OR4C6: variants seen among roughly 807,000 people sequenced by gnomAD.
OR4C6 encodes the protein olfactory receptor family 4 subfamily C member 6.
Under a neutral mutation model 13.9 loss-of-function variants are expected in OR4C6, and 20 were observed. The ratio of observed to expected loss-of-function variants is 1.43; its 90% confidence interval spans 1.01 to 2.08. The LOEUF (loss-of-function observed/expected upper bound fraction) is 2.08, where lower values mean the gene tolerates loss of function less well. Ranked by LOEUF, OR4C6 falls within the 30% of genes most tolerant of loss-of-function variation. OR4C6 has a pLI of 0.00. For missense variants in OR4C6, 555 were observed against 381.2 expected, an observed-to-expected ratio of 1.46 and a Z score of -3.80; for synonymous variants, 193 against 141.5, an observed-to-expected ratio of 1.36 and a Z score of -2.58.
chr11:55,665,118 T>C lies in OR4C6; in HGVS notation c.-42-7T>C, dbSNP rs1408987070. 8.8e-7 allele frequency: 1 copy of C among 1,135,672 alleles called. No homozygotes were observed. The highest frequency in any genetic ancestry group is 1.3e-6 in the Non-Finnish European group (1 of 780,396). 70.3% of individuals were successfully genotyped at this position (1,135,672 alleles called of 1,614,324 possible). On this transcript the variant is annotated splice_polypyrimidine_tract_variant and splice_region_variant and intron_variant, in intron 1 of 1. Transcript: ENST00000314259. ...CACTAATTATAAATCATATCTTGCT[T>C]ATTTAGGATTCTCAACTCTCAGCTG...
Position 55,665,422 on chromosome 11 carries a change from A to G in OR4C6, c.256A>G (p.Lys86Glu). The G allele has an allele frequency of 6.2e-7, 1 of 1,613,728 alleles. No homozygotes were observed. Among genetic ancestry groups the G allele is most frequent in the Non-Finnish European group, 8.5e-7 (1 of 1,179,966 alleles). Reference sequence around the variant, plus strand: ...CAAGGTGATTGTAGACACCCTCTCCAAGAGCACTACCATCTCTCTCAAAGG... The same window carrying G: ...CAAGGTGATTGTAGACACCCTCTCCGAGAGCACTACCATCTCTCTCAAAGG... ...APKVIVDTLS[K>E]STTISLKGCL... The change falls in exon 2 of 2, where the codon AAG becomes GAG. Residue 86 changes from lysine to glutamate, a missense_variant. Physicochemically the swap from Lys to Glu is moderately conservative, Grantham distance 56. Transcript: ENST00000314259.
rs571370864 is a variant in OR4C6, at chr11:55,664,386, C to T, written c.-42-739C>T. 2.0e-5 allele frequency among the ~76,000 whole-genome samples: 3 copies of T among 152,044 alleles called. No homozygotes were observed. The East Asian group carries it at 5.8e-4, about 29-fold the overall frequency. ...GTTGTATTGGGGATCTGGAGTTTTG[C>T]TGAACCATGATGGTTTATAATCTTC... On this transcript the variant is annotated intron_variant, in intron 1 of 1. Coordinates refer to ENST00000314259, the MANE Select transcript of OR4C6 (RefSeq NM_001004704.2).
Position 55,665,507 on chromosome 11 carries a change from C to T in OR4C6, c.341C>T (p.Thr114Ile), listed in dbSNP as rs759192087. The T allele has an allele frequency of 2.2e-5, 35 of 1,613,742 alleles. No homozygotes were observed. The highest frequency in any genetic ancestry group is 3.3e-4 in the Middle Eastern group (2 of 6,084). The change falls in exon 2 of 2, where the codon ACT becomes ATT. Residue 114 changes from threonine to isoleucine, a missense_variant. Coordinates refer to ENST00000314259, the MANE Select transcript of OR4C6 (RefSeq NM_001004704.2). ...FFGGVGIILL[T>I]VMAYDRYVAI... Reference sequence around the variant, plus strand: ...GGTGGTGTGGGGATCATCCTCCTCACTGTGATGGCCTATGACCGCTACGTG... The same window carrying T: ...GGTGGTGTGGGGATCATCCTCCTCATTGTGATGGCCTATGACCGCTACGTG...
rs766031417 is a variant in OR4C6, at chr11:55,665,414, C to T, written c.248C>T (p.Thr83Ile). ...GTTGCCCCCAAGGTGATTGTAGACA[C>T]CCTCTCCAAGAGCACTACCATCTCT... ...SVVAPKVIVDTLSKSTTISLK... is the reference protein window; with the variant it reads ...SVVAPKVIVDILSKSTTISLK... The change falls in exon 2 of 2, where the codon ACC (threonine) becomes ATC (isoleucine). Residue 83 changes from threonine (T) to isoleucine (I), a missense_variant. Coordinates refer to ENST00000314259, the MANE Select transcript of OR4C6 (RefSeq NM_001004704.2). The T allele has an allele frequency of 6.2e-7, 1 of 1,613,734 alleles. No homozygotes were observed. Among genetic ancestry groups the T allele is most frequent in the Non-Finnish European group, 8.5e-7 (1 of 1,179,904 alleles).
In OR4C6 at chr11:55,662,780, T is replaced by C. The variant is rs1858686366; in HGVS notation, c.-43+532T>C. On this transcript the variant is annotated intron_variant, in intron 1 of 1. Transcript: ENST00000314259. ...TTATGGGTATTACCTCCATTAGCCT[T>C]CACAGCAGTTTTGTGAGCCATCAGG... 1.4e-5 allele frequency among the ~76,000 whole-genome samples: 2 copies of C among 137,942 alleles called. 1 individual carries two copies. Among genetic ancestry groups the C allele is most frequent in the Non-Finnish European group, 3.2e-5 (2 of 62,214 alleles). 90.5% of individuals were successfully genotyped at this position (137,942 alleles called of 152,430 possible).
chr11:55,665,626 G>C lies in OR4C6; in HGVS notation c.460G>C (p.Ala154Pro). The C allele has an allele frequency of 6.2e-7, 1 of 1,613,500 alleles. No homozygotes were observed. The highest frequency in any genetic ancestry group is 8.5e-7 in the Non-Finnish European group (1 of 1,179,640). ...GGAWVGGFMHAMIQLLFMYQI... is the reference protein window; with the variant it reads ...GGAWVGGFMHPMIQLLFMYQI... Reference sequence around the variant, plus strand: ...GGCTTGGGTGGGGGGATTTATGCACGCAATGATACAACTTCTCTTCATGTA... The same window carrying C: ...GGCTTGGGTGGGGGGATTTATGCACCCAATGATACAACTTCTCTTCATGTA... The change falls in exon 2 of 2, where the codon GCA becomes CCA. Residue 154 changes from alanine (A) to proline (P), a missense_variant. Transcript: ENST00000314259.
At position 55,665,393 on chromosome 11, in the gene OR4C6, C is replaced by T. The variant is rs746046068; in HGVS notation, c.227C>T (p.Ala76Val). ...LLDVMFSSVV[A>V]PKVIVDTLSK... ...GATGTCATGTTCTCATCTGTCGTTG[C>T]CCCCAAGGTGATTGTAGACACCCTC... Residue 76 changes from alanine to valine, a missense_variant, in exon 2 of 2, where the codon GCC becomes GTC. Ala to Val is a moderately conservative substitution (Grantham distance 64). Coordinates refer to ENST00000314259, the MANE Select transcript of OR4C6 (RefSeq NM_001004704.2). 4 of 1,613,448 alleles carry T rather than the reference C, an allele frequency of 2.5e-6. No homozygotes were observed. Among genetic ancestry groups the T allele is most frequent in the South Asian group, 1.1e-5 (1 of 91,072 alleles).
At position 55,665,599 on chromosome 11, in the gene OR4C6, G is replaced by A; in HGVS notation, c.433G>A (p.Gly145Arg). ...SPRVCCLMVGGAWVGGFMHAM... is the reference protein window; with the variant it reads ...SPRVCCLMVGRAWVGGFMHAM... ...ACGGGTGTGCTGCCTAATGGTAGGA[G>A]GGGCTTGGGTGGGGGGATTTATGCA... The change falls in exon 2 of 2, where the codon GGG becomes AGG. Residue 145 changes from glycine (G) to arginine (R), a missense_variant. Coordinates refer to ENST00000314259, the MANE Select transcript of OR4C6 (RefSeq NM_001004704.2). 1 of 1,613,908 alleles carries A rather than the reference G, an allele frequency of 6.2e-7. No individual in the cohort carries two copies. The highest frequency in any genetic ancestry group is 1.1e-5 in the South Asian group (1 of 91,080).
At position 55,665,458 on chromosome 11, in the gene OR4C6, C is replaced by T. The variant is rs1238981779; in HGVS notation, c.292C>T (p.Gln98Ter). 2.6e-5 allele frequency: 42 copies of T among 1,613,742 alleles called. No homozygotes were observed. The highest frequency in any genetic ancestry group is 3.5e-5 in the Non-Finnish European group (41 of 1,180,016). Reference sequence around the variant, plus strand: ...CATCTCTCTCAAAGGCTGCCTCACCCAGCTGTTTGTGGAGCATTTCTTTGG... The same window carrying T: ...CATCTCTCTCAAAGGCTGCCTCACCTAGCTGTTTGTGGAGCATTTCTTTGG... ...TTISLKGCLT[Q>*]LFVEHFFGGV... Residue 98 changes from glutamine (Q) to a stop codon, truncating the protein, a stop_gained, in exon 2 of 2, where the codon CAG becomes TAG. Transcript: ENST00000314259. LOFTEE classifies it high-confidence loss of function.
rs1044124209 is a variant in OR4C6 at position 55,665,187 on chromosome 11, G to T, written c.21G>T (p.Val7=). The T allele has an allele frequency of 6.2e-7, 1 of 1,610,446 alleles. No individual in the cohort carries two copies. The highest frequency in any genetic ancestry group is 1.1e-5 in the South Asian group (1 of 90,714). Residue 7 remains valine (V), a synonymous_variant, in exon 2 of 2, where the codon GTG becomes GTT. Coordinates refer to ENST00000314259, the MANE Select transcript of OR4C6 (RefSeq NM_001004704.2). ...GAGAAATGGAAAATCAAAACAATGTGACTGAATTCATTCTTCTGGGTCTCA... is the reference window on the plus strand; with the variant it reads ...GAGAAATGGAAAATCAAAACAATGTTACTGAATTCATTCTTCTGGGTCTCA... MENQNN[V]TEFILLGLTE... is the part of the protein sequence containing the mutation.
Position 55,665,671 on chromosome 11 carries a change from C to T in OR4C6, c.505C>T (p.Pro169Ser). Reference sequence around the variant, plus strand: ...CATGTATCAAATACCCTTCTGTGGTCCTAATATCATAGATCACTTTATATG... The same window carrying T: ...CATGTATCAAATACCCTTCTGTGGTTCTAATATCATAGATCACTTTATATG... ...LFMYQIPFCG[P>S]NIIDHFICDL... The change falls in exon 2 of 2, where the codon CCT becomes TCT. Residue 169 changes from proline (P) to serine (S), a missense_variant. Physicochemically the swap from Pro to Ser is moderately conservative, Grantham distance 74. Coordinates refer to ENST00000314259, the MANE Select transcript of OR4C6 (RefSeq NM_001004704.2). 1 of 1,613,846 alleles carries T rather than the reference C, an allele frequency of 6.2e-7. No homozygotes were observed. The highest frequency in any genetic ancestry group is 1.3e-5 in the African/African-American group (1 of 74,882).
In OR4C6 at chr11:55,665,644, T is replaced by A; in HGVS notation, c.478T>A (p.Phe160Ile). 1 of 1,613,414 alleles carries A rather than the reference T, an allele frequency of 6.2e-7. No individual in the cohort carries two copies. Among genetic ancestry groups the A allele is most frequent in the Non-Finnish European group, 8.5e-7 (1 of 1,179,482 alleles). Residue 160 changes from phenylalanine (F) to isoleucine (I), a missense_variant, in exon 2 of 2, where the codon TTC (phenylalanine) becomes ATC (isoleucine). By Grantham distance (21) the Phe-to-Ile change is conservative (BLOSUM62 0). Coordinates refer to ENST00000314259, the MANE Select transcript of OR4C6 (RefSeq NM_001004704.2). The part of the protein sequence containing the change: ...GFMHAMIQLL[F>I]MYQIPFCGPN... ...TATGCACGCAATGATACAACTTCTC[T>A]TCATGTATCAAATACCCTTCTGTGG...
chr11:55,665,093 C>A, intron 1 of OR4C6, 32 bp from the exon 2 acceptor site: 2 of 937,322 alleles, frequency 2.1e-6, no homozygotes, highest in African/African-American at 1.7e-5. Flanking sequence ...CCAAATTAGT[C>A]ACTAATTATA....
chr11:55,663,389 G>A lies in OR4C6; in HGVS notation c.-43+1141G>A, dbSNP rs1278984681. Among the ~76,000 whole-genome samples, 7 of 137,904 alleles carry A rather than the reference G, an allele frequency of 5.1e-5. 1 individual carries two copies. The highest frequency in any genetic ancestry group is 2.4e-4 in the South Asian group (1 of 4,244). 90.5% of individuals were successfully genotyped at this position (137,904 alleles called of 152,430 possible). A position where few individuals can be genotyped will look rare whatever the true frequency, so the allele number is the denominator to read the frequency against. On this transcript the variant is annotated intron_variant, in intron 1 of 1. Coordinates refer to ENST00000314259, the MANE Select transcript of OR4C6 (RefSeq NM_001004704.2). Reference sequence around the variant, plus strand: ...GGTCCCAAACTTAAGGACAGACAGGGCATATATATTCTAGAATAGCGGCTT... The same window carrying A: ...GGTCCCAAACTTAAGGACAGACAGGACATATATATTCTAGAATAGCGGCTT...
At chr11:55,663,103 A>G (rs1858689971) in intron 1 of OR4C6, among the ~76,000 whole-genome samples, 1 of 138,640 alleles carries the variant, frequency 7.2e-6, no homozygotes. Context: ...TTACAAAGCC[A>G]GTATGTAGCC....
rs2134332283 is a variant in OR4C6, at chr11:55,665,889, C to A, written c.723C>A (p.His241Gln). 6.2e-7 allele frequency: 1 copy of A among 1,613,958 alleles called. No individual in the cohort carries two copies. The highest frequency in any genetic ancestry group is 2.2e-5 in the East Asian group (1 of 44,852). ...AAGCCCTCTCTACCTGCAGCTCCCA[C>A]CTCACGGTGGTTGTATTGTTCTTTG... ...RHKALSTCSS[H>Q]LTVVVLFFVP... The change falls in exon 2 of 2, where the codon CAC becomes CAA. Residue 241 changes from histidine (H) to glutamine (Q), a missense_variant. Transcript: ENST00000314259.
Position 55,665,487 on chromosome 11 carries a change from T to C in OR4C6, c.321T>C (p.Gly107=). The part of the protein sequence containing the change: ...TQLFVEHFFG[G]VGIILLTVMA... ...TGTTTGTGGAGCATTTCTTTGGTGG[T>C]GTGGGGATCATCCTCCTCACTGTGA... The change falls in exon 2 of 2, where the codon GGT becomes GGC. Residue 107 remains glycine (G), a synonymous_variant. Transcript: ENST00000314259. 1 of 1,613,826 alleles carries C rather than the reference T, an allele frequency of 6.2e-7. No homozygotes were observed. Among genetic ancestry groups the C allele is most frequent in the Non-Finnish European group, 8.5e-7 (1 of 1,179,972 alleles).
Position 55,665,850 on chromosome 11 carries a change from TAAAGGGCGGCAC to T in OR4C6, c.689_700del (p.Gly230_Lys233del), listed in dbSNP as rs1425619621. ...TATGCTCCCTGAAGTCTTACAGCTC[TAAAGGGCGGCAC>T]AAAGCCCTCTCTACCTGCAGCTCCC... On this transcript the variant is annotated inframe_deletion, in exon 2 of 2. Coordinates refer to ENST00000314259, the MANE Select transcript of OR4C6 (RefSeq NM_001004704.2). 1 of 1,613,910 alleles carries T rather than the reference TAAAGGGCGGCAC, an allele frequency of 6.2e-7. No homozygotes were observed. The highest frequency in any genetic ancestry group is 1.7e-5 in the Admixed American group (1 of 59,996).
intron 1 of OR4C6, among the ~76,000 whole-genome samples, chr11:55,664,367 T>C (rs1440853884): frequency 1.3e-5 from 2 of 152,038 alleles, no homozygotes; most frequent in Non-Finnish European, 2.9e-5. Context: ...GTCAGTTGTA[T>C]TGGGGATCTG....
Sources: allele counts gnomAD v4.1 joint callset (sites outside exome capture counted in the v4.1 genomes callset), GRCh38; gene constraint gnomAD v4.1.1; transcripts MANE v1.5; gene names NCBI Gene and HGNC (gene_info 2026-07-23, HGNC 2026-07-21).